Variants in ITPR1 observed in about 807,000 individuals in gnomAD.
ITPR1 encodes inositol 1,4,5-trisphosphate-gated calcium channel ITPR1.
A neutral mutation model predicts 318.4 loss-of-function variants in ITPR1; 96 were observed. The observed-to-expected ratio is 0.30, with a 90% CI of 0.26 to 0.36. The LOEUF (loss-of-function observed/expected upper bound fraction) is 0.36, where lower values mean the gene tolerates loss of function less well. Ranked by LOEUF, ITPR1 falls within the 10% of genes least tolerant of loss-of-function variation. The probability of loss-of-function intolerance (pLI) is 1.00; values close to 1 mark genes in which losing one functional copy is unlikely to be tolerated. For synonymous variants in ITPR1, 1,312 were observed against 1,289.9 expected, an observed-to-expected ratio of 1.02 and a Z score of -0.37; for missense variants, 2,440 against 3,460.2, an observed-to-expected ratio of 0.71 and a Z score of 7.40.
Position 4,758,831 on chromosome 3 carries a change from G to A in ITPR1, c.5545-7699G>A, listed in dbSNP as rs549090185. On this transcript the variant is annotated intron_variant, in intron 44 of 61. Coordinates refer to ENST00000649015, the MANE Select transcript of ITPR1 (RefSeq NM_001378452.1). Reference sequence around the variant, plus strand: ...GGGCAATTTACTTAACCTCATTTGTGCCCTGGGTTCGTTAGCTGAAAAATG... The same window carrying A: ...GGGCAATTTACTTAACCTCATTTGTACCCTGGGTTCGTTAGCTGAAAAATG... Among the ~76,000 whole-genome samples the A allele has an allele frequency of 3.9e-5, 6 of 152,306 alleles. No individual in the cohort carries two copies. In the South Asian group the frequency reaches 1.2e-3, roughly 32 times the overall value.
chr3:4,508,455 G>GTT (rs4054897), intron 2 of ITPR1, among the ~76,000 whole-genome samples: 6,354 of 125,644 alleles, frequency 0.051, 226 homozygotes, highest in African/African-American at 0.1. Flanking sequence ...GAAAATCAAG[G>GTT]TTTTTTTTTT....
intron 39 of ITPR1, among the ~76,000 whole-genome samples, chr3:4,716,178 C>G (rs931454771): frequency 2.0e-5 from 3 of 152,146 alleles, no homozygotes; most frequent in Non-Finnish European, 4.4e-5. Context: ...CTAATCTCTG[C>G]TTTTAATCTA....
At chr3:4,500,865 A>G (rs1004088534) in intron 2 of ITPR1, among the ~76,000 whole-genome samples, 1 of 151,846 alleles carries the variant, frequency 6.6e-6, no homozygotes, top group African/African-American at 2.4e-5. Flanking sequence ...TTTTATTTTT[A>G]GTTTTTGAAA....
Position 4,661,942 on chromosome 3 carries a change from A to AT in ITPR1, c.1252-133dup, listed in dbSNP as rs34042936. ...AACCATTTGGAGTACGTCCTTGTAG[A>AT]TTTTTTTCCTATATCATTTTAACTG... On this transcript the variant is annotated intron_variant, in intron 14 of 61. Transcript: ENST00000649015. 1,961 of 644,820 alleles carry AT rather than the reference A, an allele frequency of 3.0e-3. 26 individuals carry two copies. In the African/African-American group the frequency reaches 0.031, roughly 10 times the overall value. 39.9% of individuals were successfully genotyped at this position (644,820 alleles called of 1,614,324 possible).
At chr3:4,837,298 G>C (rs2050992800) in intron 61 of ITPR1, among the ~76,000 whole-genome samples, 1 of 152,088 alleles carries the variant, frequency 6.6e-6, no homozygotes, top group Non-Finnish European at 1.5e-5. Context: ...ATTAAAAGCT[G>C]TTTCTTGTTT....
At chr3:4,566,522 A>G (rs1345632857) in intron 4 of ITPR1, among the ~76,000 whole-genome samples, 2 of 151,836 alleles carry the variant, frequency 1.3e-5, no homozygotes, top group Non-Finnish European at 2.9e-5. Flanking sequence ...AGATAGAATT[A>G]GAGTTGAGAG....
rs185346371 is a variant in ITPR1, at chr3:4,746,647, C to T, written c.5544+11293C>T. 6.4e-4 allele frequency among the ~76,000 whole-genome samples: 97 copies of T among 152,334 alleles called. 1 individual carries two copies. The East Asian group carries it at 0.015, about 24-fold the overall frequency. On this transcript the variant is annotated intron_variant, in intron 44 of 61. Coordinates refer to ENST00000649015, the MANE Select transcript of ITPR1 (RefSeq NM_001378452.1). ...GCAGAGACCAAGTCTGTCTTCACTCCGAGTCCCCTCGAGGAGCCTCCACAC... is the reference window on the plus strand; with the variant it reads ...GCAGAGACCAAGTCTGTCTTCACTCTGAGTCCCCTCGAGGAGCCTCCACAC...
chr3:4,598,039 G>A (rs1273570993), intron 4 of ITPR1, among the ~76,000 whole-genome samples: 1 of 152,218 alleles, frequency 6.6e-6, no homozygotes, highest in South Asian at 2.1e-4. Flanking sequence ...TGAGTCTTCC[G>A]TTTCCTGCGT....
chr3:4,544,047 C>CT (rs144791220), intron 4 of ITPR1, among the ~76,000 whole-genome samples: 23,840 of 151,350 alleles, frequency 0.16, 2,360 homozygotes, highest in East Asian at 0.34. Context: ...ATTCCTGTTC[C>CT]TTTTTTTTTA....
intron 19 of ITPR1, among the ~76,000 whole-genome samples, chr3:4,670,054 ACT>A (rs1200197622): frequency 6.6e-6 from 1 of 152,116 alleles, no homozygotes; most frequent in Non-Finnish European, 1.5e-5. Context: ...AGAGTTTAAA[ACT>A]CTTTGTAAGT....
intron 39 of ITPR1, among the ~76,000 whole-genome samples, chr3:4,717,096 G>T (rs1056859753): frequency 6.6e-6 from 1 of 152,154 alleles, no homozygotes; most frequent in Non-Finnish European, 1.5e-5. Flanking sequence ...GCAAGCACAC[G>T]GCTGTCTGCA....
chr3:4,781,745 G>T (rs1391429421), intron 49 of ITPR1, among the ~76,000 whole-genome samples: 1 of 152,212 alleles, frequency 6.6e-6, no homozygotes, highest in Non-Finnish European at 1.5e-5. Flanking sequence ...CACTTTGGGA[G>T]GCTGAGGTGG....
intron 4 of ITPR1, among the ~76,000 whole-genome samples, chr3:4,602,603 C>T (rs1393596508): frequency 1.4e-5 from 2 of 144,640 alleles, no homozygotes; most frequent in Non-Finnish European, 3.0e-5. Flanking sequence ...AAAGTAGAAA[C>T]AACTCAAATG....
At chr3:4,496,066 C>A (rs1459388196) in intron 2 of ITPR1, among the ~76,000 whole-genome samples, 1 of 152,100 alleles carries the variant, frequency 6.6e-6, no homozygotes, top group African/African-American at 2.4e-5. Flanking sequence ...TAAAAAGAAA[C>A]AAAACCACAA....
intron 35 of ITPR1, among the ~76,000 whole-genome samples, chr3:4,700,285 A>G (rs183465746): frequency 1.3e-5 from 2 of 152,330 alleles, no homozygotes; most frequent in East Asian, 1.9e-4. Flanking sequence ...GCTTTAATAA[A>G]TGGTAGCCTG....
rs755853374 is a variant in ITPR1, at chr3:4,685,094, G to C, written c.3590G>C (p.Cys1197Ser). 3.1e-6 allele frequency: 5 copies of C among 1,610,812 alleles called. No homozygotes were observed. The African/African-American group carries it at 6.7e-5, about 22-fold the overall frequency. The stretch of plus-strand genomic sequence containing the variant: ...ATTTTGATTCGGCTTAGCAAACTCT[G>C]TGTTCAAGAGAGTGCCTCAGTGAGA... Reference protein sequence around the residue: ...KEILIRLSKLCVQESASVRKS... With the variant: ...KEILIRLSKLSVQESASVRKS... Residue 1197 changes from cysteine (C) to serine (S), a missense_variant, in exon 30 of 62, where the codon TGT becomes TCT. Cys to Ser is a moderately radical substitution (Grantham distance 112). Transcript: ENST00000649015.
chr3:4,764,946 C>CTGGATGGATGGA (rs61395050), intron 44 of ITPR1, among the ~76,000 whole-genome samples: 2 of 147,574 alleles, frequency 1.4e-5, no homozygotes, highest in African/African-American at 5.0e-5. Context: ...TAGTGGGTGG[C>CTGGATGGATGGA]TGGATGGATG....
chr3:4,607,528 A>G (rs1273423572), intron 4 of ITPR1, among the ~76,000 whole-genome samples: 1 of 152,218 alleles, frequency 6.6e-6, no homozygotes, highest in East Asian at 1.9e-4. Flanking sequence ...ATTGCAAGAG[A>G]GAGAGTTTTA....
intron 44 of ITPR1, among the ~76,000 whole-genome samples, chr3:4,753,748 A>G (rs140718536): frequency 6.6e-6 from 1 of 152,254 alleles, no homozygotes; most frequent in East Asian, 1.9e-4. Context: ...TCTATGGCCA[A>G]GTGTCCTTGT....
Sources: gnomAD v4.1 joint callset for allele counts (sites outside exome capture counted in the v4.1 genomes callset) on GRCh38, gnomAD v4.1.1 for gene constraint, MANE v1.5 for transcripts, NCBI Gene and HGNC (gene_info 2026-07-23, HGNC 2026-07-21) for gene names.